ITGA6: variants seen among roughly 807,000 people sequenced by gnomAD.
ITGA6 encodes the protein integrin alpha-6.
Under a neutral mutation model 133.6 loss-of-function variants are expected in ITGA6, and 63 were observed. That is an observed-to-expected ratio of 0.47 (90% CI 0.38 to 0.58). The LOEUF (loss-of-function observed/expected upper bound fraction) is 0.58, where lower values mean the gene tolerates loss of function less well. ITGA6 is among the 20% of genes least tolerant of loss of function. The probability of loss-of-function intolerance (pLI) is 0.00; values close to 1 mark genes in which losing one functional copy is unlikely to be tolerated. For missense variants in ITGA6, 1,068 were observed against 1,309.4 expected, an observed-to-expected ratio of 0.82 and a Z score of 2.85; for synonymous variants, 434 against 482.0, an observed-to-expected ratio of 0.90 and a Z score of 1.30.
chr2:172,502,065 A>G (rs1687371806), intron 25 of ITGA6, among the ~76,000 whole-genome samples, 164 bp downstream of exon 25: 1 of 151,888 alleles, frequency 6.6e-6, no homozygotes, highest in South Asian at 2.1e-4. Flanking sequence ...TTCACTTGAA[A>G]GCTCAGTTTT....
chr2:172,435,133 A>G (rs7567159), intron 1 of ITGA6, among the ~76,000 whole-genome samples: 27,120 of 151,872 alleles, frequency 0.18, 3,175 homozygotes, highest in East Asian at 0.55. Flanking sequence ...CCTGAGCCAA[A>G]TAACTCCTTT....
chr2:172,445,354 CAAAA>C lies in ITGA6; in HGVS notation c.182+17394_182+17397del, dbSNP rs1027666620. Among the ~76,000 whole-genome samples the C allele has an allele frequency of 5.7e-5, 6 of 104,814 alleles. No homozygotes were observed. The East Asian group carries it at 1.1e-3, about 20-fold the overall frequency. The allele number at this position is 104,814 out of a possible 152,430, so 68.8% of individuals were successfully genotyped here. A position where few individuals can be genotyped will look rare whatever the true frequency, so the allele number is the denominator to read the frequency against. On this transcript the variant is annotated intron_variant, in intron 1 of 25. Transcript: ENST00000684293. ...TTTTCTTTTCTTTTTTTTTTTTTAA[CAAAA>C]AAAAAAAAAGGCCGGGCGCGGTGGC...
At chr2:172,465,369 C>A in intron 1 of ITGA6, 170 bp from the exon 2 acceptor site, 1 of 794,688 alleles carries the variant, frequency 1.3e-6, no homozygotes, top group South Asian at 1.5e-5. Flanking sequence ...GTGCGTTTTG[C>A]ATGAACCAGC....
At position 172,504,307 on chromosome 2, in the gene ITGA6, G is replaced by A. The variant is rs1319251537; in HGVS notation, c.*239G>A. 1.6e-5 allele frequency: 21 copies of A among 1,353,786 alleles called. No individual in the cohort carries two copies. 83.9% of individuals were successfully genotyped at this position (1,353,786 alleles called of 1,614,324 possible). The stretch of plus-strand genomic sequence containing the variant: ...TACCCAAACTGCTTTTTCCAACTCA[G>A]AAATTCAATTTGGATTTAAAAGCCT... On this transcript the variant is annotated 3_prime_UTR_variant, in exon 26 of 26. Coordinates refer to ENST00000684293, the MANE Select transcript of ITGA6 (RefSeq NM_000210.4).
chr2:172,485,544 CTG>C (rs1157142599), intron 13 of ITGA6, among the ~76,000 whole-genome samples: 2 of 152,214 alleles, frequency 1.3e-5, no homozygotes, highest in Non-Finnish European at 2.9e-5. Flanking sequence ...TATTCTAACA[CTG>C]TTTCTCCTTT....
intron 1 of ITGA6, chr2:172,465,325 T>A: frequency 1.6e-6 from 1 of 620,184 alleles, no homozygotes; most frequent in Non-Finnish European, 2.9e-6. Context: ...CGTTTTGGTA[T>A]CCCCTCTTTG....
chr2:172,469,040 T>C, intron 3 of ITGA6, 85 bp from the exon 4 acceptor site: 1 of 1,404,542 alleles, frequency 7.1e-7, no homozygotes, highest in South Asian at 1.2e-5. Context: ...AATTAACCTC[T>C]GTATTGACCA....
intron 1 of ITGA6, among the ~76,000 whole-genome samples, chr2:172,456,341 C>T (rs1349108679): frequency 7.9e-5 from 12 of 152,158 alleles, no homozygotes; most frequent in Non-Finnish European, 1.6e-4. Context: ...TGAAACCATA[C>T]CAGGGCCAGA....
intron 6 of ITGA6, 23 bp downstream of exon 6, chr2:172,474,288 T>C (rs752763701): frequency 1.3e-6 from 2 of 1,595,712 alleles, no homozygotes; most frequent in Non-Finnish European, 1.7e-6. Context: ...CAGGTTATAT[T>C]ATGCTGCAAA....
chr2:172,446,523 A>G (rs116025604), intron 1 of ITGA6, among the ~76,000 whole-genome samples: 2,370 of 152,354 alleles, frequency 0.016, 31 homozygotes, highest in South Asian at 0.065. Flanking sequence ...AGCATCTACT[A>G]TGTGCCGAGC....
chr2:172,496,664 A>G (rs1238222775), intron 23 of ITGA6, among the ~76,000 whole-genome samples: 1 of 151,130 alleles, frequency 6.6e-6, no homozygotes, highest in Non-Finnish European at 1.5e-5. Context: ...TTTACTTTAC[A>G]TTCTCTTAAC....
At chr2:172,475,144 G>T in intron 7 of ITGA6, 22 bp downstream of exon 7, 2 of 1,352,206 alleles carry the variant, frequency 1.5e-6, no homozygotes, top group South Asian at 2.3e-5. Context: ...ATTATGAAAT[G>T]GCTATGATTT....
chr2:172,502,654 A>G (rs1687395502), intron 25 of ITGA6, among the ~76,000 whole-genome samples: 1 of 152,214 alleles, frequency 6.6e-6, no homozygotes, highest in African/African-American at 2.4e-5. Flanking sequence ...TTTTATTGCA[A>G]TATGTTGTGA....
Position 172,427,913 on chromosome 2 carries a change from G to A in ITGA6, c.125G>A (p.Ser42Asn). The A allele has an allele frequency of 1.2e-6, 2 of 1,607,192 alleles. No homozygotes were observed. The highest frequency in any genetic ancestry group is 1.7e-6 in the Non-Finnish European group (2 of 1,177,190). The change falls in exon 1 of 26, where the codon AGC (serine) becomes AAC (asparagine). Residue 42 changes from serine to asparagine, a missense_variant. Physicochemically the swap from Ser to Asn is conservative, Grantham distance 46. This residue lies in a region of ITGA6 where 142 missense variants were observed against 145.3 expected (regional missense o/e 0.98). Transcript: ENST00000684293. ...NVIRKYGDPGSLFGFSLAMHW... is the reference protein window; with the variant it reads ...NVIRKYGDPGNLFGFSLAMHW... ...ATCCGGAAATATGGAGACCCCGGGA[G>A]CCTCTTCGGCTTCTCGCTGGCCATG... is the stretch of plus-strand genomic sequence containing the variant.
At chr2:172,472,774 G>A (rs1173478641) in intron 5 of ITGA6, 3 of 1,599,018 alleles carry the variant, frequency 1.9e-6, no homozygotes, top group Non-Finnish European at 2.6e-6. Flanking sequence ...ATGCGTACAG[G>A]CCTGCTGTTT....
chr2:172,489,366 G>T, intron 19 of ITGA6, 119 bp from the exon 20 acceptor site: 2 of 794,700 alleles, frequency 2.5e-6, no homozygotes, highest in Admixed American at 2.3e-5. Flanking sequence ...TTTGGAGCCT[G>T]TGCTTTTATT....
rs535377894 is a variant in ITGA6 at position 172,433,612 on chromosome 2, G to A, written c.182+5642G>A. Among the ~76,000 whole-genome samples the A allele has an allele frequency of 5.0e-4, 76 of 152,350 alleles. 1 individual carries two copies. The South Asian group carries it at 0.012, about 24-fold the overall frequency. ...TGAGGAAACCAAGGCTGTAAGAGGT[G>A]CAGTGGTGGCGGCATGTCTAGCAAA... On this transcript the variant is annotated intron_variant, in intron 1 of 25. Coordinates refer to ENST00000684293, the MANE Select transcript of ITGA6 (RefSeq NM_000210.4).
At chr2:172,451,819 T>G (rs1193628464) in intron 1 of ITGA6, among the ~76,000 whole-genome samples, 1 of 152,112 alleles carries the variant, frequency 6.6e-6, no homozygotes, top group Non-Finnish European at 1.5e-5. Context: ...GTGTTTTGCC[T>G]GAAGGTGGCC....
intron 23 of ITGA6, among the ~76,000 whole-genome samples, chr2:172,492,251 T>C (rs529904650): frequency 6.6e-5 from 10 of 152,348 alleles, no homozygotes; most frequent in Non-Finnish European, 1.5e-4. Context: ...ATTTGCTTTT[T>C]CAAACCATTG....
Sources: gnomAD v4.1 joint callset for allele counts (sites outside exome capture counted in the v4.1 genomes callset) on GRCh38, gnomAD v4.1.1 for gene constraint, gnomAD v4.1.1 regional missense constraint, MANE v1.5 for transcripts, NCBI Gene and HGNC (gene_info 2026-07-23, HGNC 2026-07-21) for gene names.